The following NME7 variants were observed in gnomAD, a reference collection of about 807,000 sequenced individuals.
The protein encoded by NME7 is nucleoside diphosphate kinase 7.
In NME7, 41 loss-of-function variants were observed where a neutral mutation model predicts 49.1. The observed-to-expected ratio is 0.83, with a 90% CI of 0.65 to 1.08. The LOEUF (loss-of-function observed/expected upper bound fraction) is 1.08. Among genes scored for constraint, NME7 ranks in the 50% least tolerant of loss-of-function variants. The pLI, the probability that NME7 is intolerant of heterozygous loss-of-function variation, is 0.00. For missense variants in NME7, 423 were observed against 463.4 expected (o/e 0.91, Z 0.80); for synonymous variants, 139 against 150.6 (o/e 0.92, Z 0.56).
intron 11 of NME7, 101 bp downstream of exon 11, chr1:169,169,346 G>GAA (rs1173615673): frequency 2.0e-6 from 2 of 982,962 alleles, no homozygotes; most frequent in Non-Finnish European, 3.1e-6. Context: ...CCTAGAACTT[G>GAA]AAGTATAACA....
chr1:169,281,978 G>C (rs1036477231), intron 7 of NME7, among the ~76,000 whole-genome samples: 1 of 152,118 alleles, frequency 6.6e-6, no homozygotes, highest in Non-Finnish European at 1.5e-5. Flanking sequence ...GAGTTAGGAA[G>C]GATTCCCTCT....
chr1:169,238,477 G>GCGCACA (rs1553249015), intron 7 of NME7, among the ~76,000 whole-genome samples: 3 of 124,152 alleles, frequency 2.4e-5, no homozygotes, highest in East Asian at 4.9e-4. Flanking sequence ...ATGCACAAAG[G>GCGCACA]CACACACACA....
chr1:169,246,406 A>G (rs1415802791), intron 7 of NME7, among the ~76,000 whole-genome samples: 2 of 152,220 alleles, frequency 1.3e-5, no homozygotes, highest in Non-Finnish European at 2.9e-5. Flanking sequence ...ATCTCAAATT[A>G]ATCCATCAGG....
chr1:169,364,698 G>T (rs1270974771), intron 1 of NME7, among the ~76,000 whole-genome samples: 1 of 152,146 alleles, frequency 6.6e-6, no homozygotes, highest in Non-Finnish European at 1.5e-5. Flanking sequence ...AAAGCTAACT[G>T]CCCTTGCTCA....
At chr1:169,162,996 G>A (rs12562404) in intron 11 of NME7, among the ~76,000 whole-genome samples, 54,012 of 151,966 alleles carry the variant, frequency 0.36, 10,368 homozygotes, top group East Asian at 0.73. Flanking sequence ...GGTTGTTCCC[G>A]TAAGAGAAAA....
chr1:169,242,387 C>CATTTA (rs1160883144), intron 7 of NME7, among the ~76,000 whole-genome samples: 1 of 151,410 alleles, frequency 6.6e-6, no homozygotes, highest in African/African-American at 2.4e-5. Flanking sequence ...ACTCATAAAT[C>CATTTA]AAAAAAACTG....
chr1:169,135,693 C>T (rs1052825015), intron 11 of NME7, among the ~76,000 whole-genome samples: 5 of 152,042 alleles, frequency 3.3e-5, no homozygotes, highest in Admixed American at 6.6e-5. Context: ...TTCTTCCAAC[C>T]GATGGTTCCA....
rs558220209 is a variant in NME7, at chr1:169,204,566, C to A, written c.990+26152G>T. On this transcript the variant is annotated intron_variant, in intron 10 of 11. Transcript: ENST00000367811. ...ATTCCCATTTCAGATTATAGAAATTCTAAGTATTCCACAGGGTTCACCTTC... is the reference window on the plus strand; with the variant it reads ...ATTCCCATTTCAGATTATAGAAATTATAAGTATTCCACAGGGTTCACCTTC... 3.3e-5 allele frequency among the ~76,000 whole-genome samples: 5 copies of A among 152,182 alleles called. 1 individual carries two copies. Among genetic ancestry groups the A allele is most frequent in the African/African-American group, 1.2e-4 (5 of 41,538 alleles).
intron 4 of NME7, 64 bp downstream of exon 4, chr1:169,309,906 G>T: frequency 1.0e-6 from 1 of 962,634 alleles, no homozygotes; most frequent in Non-Finnish European, 1.6e-6. Context: ...TGACAAGAAA[G>T]ACAGAAAATG....
At chr1:169,315,661 A>C (rs1651594536) in intron 3 of NME7, among the ~76,000 whole-genome samples, 1 of 152,206 alleles carries the variant, frequency 6.6e-6, no homozygotes, top group Non-Finnish European at 1.5e-5. Context: ...AATCATGAAG[A>C]ATATGTCCTC....
chr1:169,296,429 T>C (rs571506570), intron 6 of NME7, among the ~76,000 whole-genome samples: 143 of 151,228 alleles, frequency 9.5e-4, no homozygotes, highest in Non-Finnish European at 1.7e-3. Flanking sequence ...CTTACCTCTC[T>C]GGTGGCTCCT....
chr1:169,314,195 TGA>T (rs1651520713), intron 3 of NME7, among the ~76,000 whole-genome samples: 1 of 150,994 alleles, frequency 6.6e-6, no homozygotes, highest in South Asian at 2.1e-4. Context: ...AAGCAAAAAG[TGA>T]AGAAACCTAA....
intron 1 of NME7, among the ~76,000 whole-genome samples, chr1:169,329,551 G>A (rs1286039094): frequency 6.6e-6 from 1 of 151,854 alleles, no homozygotes; most frequent in Non-Finnish European, 1.5e-5. Flanking sequence ...AATGCAAAAA[G>A]CGTACTGAAG....
At chr1:169,329,275 G>T (rs1652175063) in intron 1 of NME7, among the ~76,000 whole-genome samples, 1 of 150,060 alleles carries the variant, frequency 6.7e-6, no homozygotes, top group African/African-American at 2.5e-5. Context: ...CAACTTCCTT[G>T]TTCCTAAATA....
rs1337910262 is a variant in NME7, at chr1:169,272,616, GAT to G, written c.754+14685_754+14686del. ...CAGCTCCATCCATGTCTCTGCAAAGGATATGATCTTGTTCCTTTTTATGGCTA... is the reference window on the plus strand; with the variant it reads ...CAGCTCCATCCATGTCTCTGCAAAGGATGATCTTGTTCCTTTTTATGGCTA... On this transcript the variant is annotated intron_variant, in intron 7 of 11. Coordinates refer to ENST00000367811, the MANE Select transcript of NME7 (RefSeq NM_013330.5). 1.5e-5 allele frequency among the ~76,000 whole-genome samples: 2 copies of G among 132,802 alleles called. 1 individual carries two copies. Among genetic ancestry groups the G allele is most frequent in the Non-Finnish European group, 3.5e-5 (2 of 56,610 alleles). 87.1% of individuals were successfully genotyped at this position (132,802 alleles called of 152,430 possible). A position where few individuals can be genotyped will look rare whatever the true frequency, so the allele number is the denominator to read the frequency against.
At chr1:169,226,350 C>T (rs1647339415) in intron 10 of NME7, among the ~76,000 whole-genome samples, 1 of 152,076 alleles carries the variant, frequency 6.6e-6, no homozygotes, top group African/African-American at 2.4e-5. Context: ...CTTAGTAGCA[C>T]CTAGCAGTTA....
At chr1:169,358,074 G>A (rs757977495) in intron 1 of NME7, among the ~76,000 whole-genome samples, 5 of 151,944 alleles carry the variant, frequency 3.3e-5, no homozygotes, top group Non-Finnish European at 5.9e-5. Context: ...TTTAGGAAGA[G>A]GGAATTTAAT....
At position 169,350,485 on chromosome 1, in the gene NME7, C is replaced by A. The variant is rs77950946; in HGVS notation, c.3+17223G>T. 8.4e-3 allele frequency among the ~76,000 whole-genome samples: 1,274 copies of A among 152,092 alleles called. 16 individuals are homozygous for A. Among genetic ancestry groups the A allele is most frequent in the African/African-American group, 0.029 (1,194 of 41,514 alleles). On this transcript the variant is annotated intron_variant, in intron 1 of 11. Coordinates refer to ENST00000367811, the MANE Select transcript of NME7 (RefSeq NM_013330.5). ...AACGCAGAGGGGATCTTGAAGAAAG[C>A]AGGAGTGATGGGGCAGAGATGCCTC...
chr1:169,282,058 G>C (rs1650040857), intron 7 of NME7, among the ~76,000 whole-genome samples: 1 of 152,108 alleles, frequency 6.6e-6, no homozygotes, highest in Non-Finnish European at 1.5e-5. Flanking sequence ...GTAGAATTTG[G>C]CTGTGAATCT....
Sources: allele counts gnomAD v4.1 joint callset (sites outside exome capture counted in the v4.1 genomes callset), GRCh38; gene constraint gnomAD v4.1.1; transcripts MANE v1.5; gene names NCBI Gene and HGNC (gene_info 2026-07-23, HGNC 2026-07-21).